RGS17: variants seen among roughly 807,000 people sequenced by gnomAD.
RGS17 encodes regulator of G-protein signaling 17.
RGS17 carries 12 observed loss-of-function variants against 25.5 expected under a neutral mutation model. The ratio of observed to expected loss-of-function variants is 0.47; its 90% CI spans 0.30 to 0.76. The LOEUF (loss-of-function observed/expected upper bound fraction) is 0.76. Ranked by LOEUF, RGS17 falls within the 30% of genes least tolerant of loss-of-function variation. RGS17 has a pLI of 0.07. For synonymous variants in RGS17, 71 were observed against 76.9 expected, an observed-to-expected ratio of 0.92 and a Z score of 0.40; for missense variants, 196 against 242.2, an observed-to-expected ratio of 0.81 and a Z score of 1.27.
At chr6:153,127,496 T>C (rs910673863) in intron 1 of RGS17, among the ~76,000 whole-genome samples, 5 of 152,214 alleles carry the variant, frequency 3.3e-5, no homozygotes, top group Non-Finnish European at 7.3e-5. Flanking sequence ...CCCTCTTGTA[T>C]GTCTGAGGAA....
At chr6:153,057,918 A>G (rs1232939472) in intron 1 of RGS17, among the ~76,000 whole-genome samples, 5 of 152,202 alleles carry the variant, frequency 3.3e-5, no homozygotes, top group Non-Finnish European at 7.3e-5. Context: ...GAGCTCAGGT[A>G]GTAAAGCTCG....
At chr6:153,048,191 T>C (rs2129111356) in intron 1 of RGS17, among the ~76,000 whole-genome samples, 1 of 152,300 alleles carries the variant, frequency 6.6e-6, no homozygotes, top group African/African-American at 2.4e-5. Context: ...CATTATCTTT[T>C]CCCAAAAACA....
intron 1 of RGS17, among the ~76,000 whole-genome samples, chr6:153,078,835 AATT>A (rs1776925806): frequency 6.6e-6 from 1 of 151,980 alleles, no homozygotes; most frequent in South Asian, 2.1e-4. Flanking sequence ...ATTTAGTTCC[AATT>A]TCTAGTCATT....
intron 1 of RGS17, among the ~76,000 whole-genome samples, chr6:153,091,350 T>G (rs1230133950): frequency 6.6e-6 from 1 of 152,212 alleles, no homozygotes; most frequent in Non-Finnish European, 1.5e-5. Context: ...CCATCTCAAA[T>G]GATTTTGCCA....
intron 4 of RGS17, among the ~76,000 whole-genome samples, chr6:153,020,564 G>A (rs1448176696): frequency 1.3e-5 from 2 of 151,994 alleles, no homozygotes; most frequent in Non-Finnish European, 2.9e-5. Context: ...TTCATTAGGG[G>A]AAAAAGTTAT....
chr6:153,051,160 T>C (rs1010823263), intron 1 of RGS17, among the ~76,000 whole-genome samples: 7 of 152,238 alleles, frequency 4.6e-5, no homozygotes, highest in Admixed American at 2.0e-4. Flanking sequence ...TATTTTATTA[T>C]AGCAGCCCAA....
intron 4 of RGS17, among the ~76,000 whole-genome samples, chr6:153,022,997 C>T (rs1020313513): frequency 3.3e-5 from 5 of 152,048 alleles, no homozygotes; most frequent in Non-Finnish European, 5.9e-5. Flanking sequence ...ATCCTTTGTG[C>T]GTCTAATTCT....
At chr6:153,090,808 A>C (rs1371228471) in intron 1 of RGS17, among the ~76,000 whole-genome samples, 1 of 151,694 alleles carries the variant, frequency 6.6e-6, no homozygotes, top group Non-Finnish European at 1.5e-5. Flanking sequence ...CAGTAATCAG[A>C]TTGAAAAAAC....
chr6:153,078,152 A>C (rs1231560932), intron 1 of RGS17, among the ~76,000 whole-genome samples: 1 of 152,098 alleles, frequency 6.6e-6, no homozygotes, highest in Non-Finnish European at 1.5e-5. Flanking sequence ...GGGATTACTG[A>C]GCCACTGCGC....
At chr6:153,059,300 G>A (rs780369341) in intron 1 of RGS17, among the ~76,000 whole-genome samples, 2 of 152,140 alleles carry the variant, frequency 1.3e-5, no homozygotes, top group Non-Finnish European at 2.9e-5. Flanking sequence ...AGCATTATTC[G>A]ACAGAGCTGT....
chr6:153,088,257 G>A (rs1185860958), intron 1 of RGS17, among the ~76,000 whole-genome samples: 1 of 152,146 alleles, frequency 6.6e-6, no homozygotes, highest in Non-Finnish European at 1.5e-5. Flanking sequence ...AAGCACTCAG[G>A]TAAACTGTGC....
chr6:153,098,855 T>G lies in RGS17; in HGVS notation c.-26+32269A>C, dbSNP rs73627254. ...CTAAACCTGAATCTGAAATTGACATTATAAACCAGAAAATTAGCCAGAACT... is the reference window on the plus strand; with the variant it reads ...CTAAACCTGAATCTGAAATTGACATGATAAACCAGAAAATTAGCCAGAACT... On this transcript the variant is annotated intron_variant, in intron 1 of 4. Transcript: ENST00000206262. Among the ~76,000 whole-genome samples the G allele has an allele frequency of 6.4e-3, 979 of 152,274 alleles. 9 individuals are homozygous for G. The highest frequency in any genetic ancestry group is 0.022 in the African/African-American group (933 of 41,560).
chr6:153,123,471 C>T (rs114585667), intron 1 of RGS17, among the ~76,000 whole-genome samples: 1,668 of 152,174 alleles, frequency 0.011, 40 homozygotes, highest in African/African-American at 0.036. Context: ...ATTTCTAGAA[C>T]GGGTTTGAAG....
chr6:153,086,875 G>T (rs1012173784), intron 1 of RGS17, among the ~76,000 whole-genome samples: 5 of 152,194 alleles, frequency 3.3e-5, no homozygotes, highest in South Asian at 4.1e-4. Flanking sequence ...ACATGAATTA[G>T]TAAGTTGGTA....
At chr6:153,056,852 G>A (rs1776568204) in intron 1 of RGS17, among the ~76,000 whole-genome samples, 1 of 94,480 alleles carries the variant, frequency 1.1e-5, no homozygotes, top group African/African-American at 3.3e-5. Context: ...GTGTGTGTGT[G>A]TGTGTGTGTG....
At chr6:153,024,545 G>A (rs1188388293) in intron 3 of RGS17, 49 bp from the exon 4 acceptor site, 4 of 1,338,790 alleles carry the variant, frequency 3.0e-6, no homozygotes, top group Non-Finnish European at 3.2e-6. Context: ...TGTGACCAGT[G>A]AATGCTAGAC....
intron 2 of RGS17, among the ~76,000 whole-genome samples, chr6:153,041,916 G>A (rs535036809): frequency 1.2e-4 from 19 of 152,212 alleles, no homozygotes; most frequent in South Asian, 1.0e-3. Flanking sequence ...AATGCTTACT[G>A]TGTGTCAGAC....
At chr6:153,020,435 G>C (rs925679055) in intron 4 of RGS17, among the ~76,000 whole-genome samples, 3 of 151,720 alleles carry the variant, frequency 2.0e-5, no homozygotes, top group African/African-American at 4.8e-5. Context: ...TTACAGGTGT[G>C]AGCCACCGCG....
intron 4 of RGS17, among the ~76,000 whole-genome samples, chr6:153,014,171 A>G (rs1163681444): frequency 2.0e-5 from 3 of 152,178 alleles, no homozygotes; most frequent in Admixed American, 6.5e-5. Context: ...ACGAATGCTT[A>G]TTTACCATTC....
Sources: allele counts gnomAD v4.1 joint callset (sites outside exome capture counted in the v4.1 genomes callset), GRCh38; gene constraint gnomAD v4.1.1; transcripts MANE v1.5; gene names NCBI Gene and HGNC (gene_info 2026-07-23, HGNC 2026-07-21).